The following RBFOX1 variants were observed in gnomAD, a reference collection of about 807,000 sequenced individuals.
RBFOX1 encodes RNA binding protein fox-1 homolog 1.
A neutral mutation model predicts 57.7 loss-of-function variants in RBFOX1; 8 were observed. That is an observed-to-expected ratio of 0.14 (90% CI 0.08 to 0.25). The LOEUF is 0.25. Ranked by LOEUF, RBFOX1 falls within the 10% of genes least tolerant of loss-of-function variation. The probability of loss-of-function intolerance (pLI) is 1.00; values close to 1 mark genes in which losing one functional copy is unlikely to be tolerated. For synonymous variants in RBFOX1, 326 were observed against 222.4 expected (o/e 1.47, Z -4.15); for missense variants, 611 against 548.5 (o/e 1.11, Z -1.14).
chr16:6,191,699 G>C (rs545611641), intron 1 of RBFOX1, among the ~76,000 whole-genome samples: 1 of 152,250 alleles, frequency 6.6e-6, no homozygotes, highest in South Asian at 2.1e-4. Context: ...GTGATTTGGA[G>C]TTTTTAAGAT....
chr16:7,242,665 G>A (rs1162100675), intron 4 of RBFOX1, among the ~76,000 whole-genome samples: 4 of 152,164 alleles, frequency 2.6e-5, no homozygotes, highest in African/African-American at 4.8e-5. Flanking sequence ...TCCAACATCC[G>A]TGCTTCGTGA....
chr16:6,233,727 G>A (rs1222009586), intron 1 of RBFOX1, among the ~76,000 whole-genome samples: 1 of 152,012 alleles, frequency 6.6e-6, no homozygotes, highest in Non-Finnish European at 1.5e-5. Flanking sequence ...TCCTGCCTCA[G>A]CCTCCCAAAG....
intron 3 of RBFOX1, among the ~76,000 whole-genome samples, chr16:6,848,340 G>T (rs1378222487): frequency 6.6e-6 from 1 of 152,108 alleles, no homozygotes; most frequent in Non-Finnish European, 1.5e-5. Flanking sequence ...TTTGGCATCT[G>T]CATTTTTTAT....
chr16:6,718,488 T>A (rs2065279361), intron 3 of RBFOX1, among the ~76,000 whole-genome samples: 1 of 152,012 alleles, frequency 6.6e-6, no homozygotes, highest in African/African-American at 2.4e-5. Flanking sequence ...TTGGACAGAG[T>A]CTTGAGAACA....
intron 2 of RBFOX1, among the ~76,000 whole-genome samples, chr16:6,452,485 G>A (rs745523300): frequency 1.3e-5 from 2 of 152,072 alleles, no homozygotes; most frequent in Non-Finnish European, 2.9e-5. Context: ...CATGACTCCA[G>A]TGCCATATTT....
chr16:6,638,970 CTG>C (rs1257500618), intron 2 of RBFOX1, among the ~76,000 whole-genome samples: 5 of 152,100 alleles, frequency 3.3e-5, no homozygotes, highest in African/African-American at 7.2e-5. Context: ...TCCCAAGAAA[CTG>C]TGGTTGACAA....
chr16:7,226,535 A>G (rs1413949419), intron 4 of RBFOX1, among the ~76,000 whole-genome samples: 1 of 152,222 alleles, frequency 6.6e-6, no homozygotes, highest in Non-Finnish European at 1.5e-5. Flanking sequence ...GGTCTGCCGT[A>G]ACAAATTCTC....
chr16:5,575,346 C>T (rs913127520), intron 2 of RBFOX1, among the ~76,000 whole-genome samples: 1 of 152,172 alleles, frequency 6.6e-6, no homozygotes, highest in African/African-American at 2.4e-5. Flanking sequence ...TCATCACTGC[C>T]ATCACGGCTC....
intron 4 of RBFOX1, among the ~76,000 whole-genome samples, chr16:7,305,246 T>C (rs1344727498): frequency 6.6e-6 from 1 of 152,100 alleles, no homozygotes; most frequent in African/African-American, 2.4e-5. Context: ...CACCTTACTC[T>C]CTGTCTTTCT....
chr16:6,780,023 A>T (rs1202158242), intron 3 of RBFOX1, among the ~76,000 whole-genome samples: 1 of 39,096 alleles, frequency 2.6e-5, no homozygotes, highest in Non-Finnish European at 3.9e-5. Context: ...ATATTTATAT[A>T]TTTATATATA....
intron 2 of RBFOX1, among the ~76,000 whole-genome samples, chr16:6,359,606 A>G (rs2088040845): frequency 6.6e-6 from 1 of 152,214 alleles, no homozygotes; most frequent in African/African-American, 2.4e-5. Flanking sequence ...AGGAAAAAGC[A>G]CTTGAACCAG....
intron 2 of RBFOX1, among the ~76,000 whole-genome samples, chr16:6,451,681 C>A (rs2094627712): frequency 6.6e-6 from 1 of 152,200 alleles, no homozygotes; most frequent in Non-Finnish European, 1.5e-5. Context: ...TCCCTTACCA[C>A]CCTTTACTGG....
chr16:6,510,741 T>C (rs73528461), intron 2 of RBFOX1, among the ~76,000 whole-genome samples: 3,277 of 152,036 alleles, frequency 0.022, 133 homozygotes, highest in African/African-American at 0.076. Flanking sequence ...AAATCTCAGC[T>C]TAATTGTCCC....
chr16:5,469,196 C>T (rs2069051406), intron 2 of RBFOX1, among the ~76,000 whole-genome samples: 2 of 152,168 alleles, frequency 1.3e-5, no homozygotes, highest in Non-Finnish European at 2.9e-5. Flanking sequence ...TGCCTTCAGG[C>T]ATTTTGCACT....
At chr16:5,275,325 T>C (rs2063115274) in intron 1 of RBFOX1, among the ~76,000 whole-genome samples, 2 of 152,194 alleles carry the variant, frequency 1.3e-5, no homozygotes, top group Non-Finnish European at 2.9e-5. Flanking sequence ...TTATTGCTAT[T>C]TAAAAATATA....
At chr16:6,823,846 G>A (rs774489906) in intron 3 of RBFOX1, among the ~76,000 whole-genome samples, 1 of 152,082 alleles carries the variant, frequency 6.6e-6, no homozygotes, top group Admixed American at 6.6e-5. Flanking sequence ...AGAAATAGAG[G>A]GCTCTGTGCT....
At chr16:5,727,900 G>C (rs2052213470) in intron 3 of RBFOX1, among the ~76,000 whole-genome samples, 2 of 152,056 alleles carry the variant, frequency 1.3e-5, no homozygotes, top group South Asian at 4.1e-4. Flanking sequence ...TGCCTACACT[G>C]GGCCTTCAAC....
intron 3 of RBFOX1, among the ~76,000 whole-genome samples, chr16:6,946,649 C>T (rs1041152199): frequency 6.7e-6 from 1 of 148,408 alleles, no homozygotes; most frequent in African/African-American, 2.5e-5. Context: ...GTCACCCAGG[C>T]TGGAGTGCGG....
rs1023357538 is a variant in RBFOX1, at chr16:6,514,785, T to C, written c.-63-139818T>C. On this transcript the variant is annotated intron_variant, in intron 2 of 15. Transcript: ENST00000550418. ...GAGGAAGGGGTGGAGGAGAAAAAAG[T>C]GATGGAGAAAAATGGTGTCTCCTGA... Among the ~76,000 whole-genome samples, 125 of 151,592 alleles carry C rather than the reference T, an allele frequency of 8.2e-4. 1 individual carries two copies. Among genetic ancestry groups the C allele is most frequent in the African/African-American group, 2.9e-3 (119 of 41,274 alleles).
Sources: allele counts gnomAD v4.1 joint callset (sites outside exome capture counted in the v4.1 genomes callset), GRCh38; gene constraint gnomAD v4.1.1; transcripts MANE v1.5; gene names NCBI Gene and HGNC (gene_info 2026-07-23, HGNC 2026-07-21).